LRRC4C: variants seen among roughly 807,000 people sequenced by gnomAD.
The protein encoded by LRRC4C is leucine rich repeat containing 4C, also known as leucine-rich repeat-containing protein 4C.
A neutral mutation model predicts 33.6 loss-of-function variants in LRRC4C; 5 were observed. The ratio of observed to expected loss-of-function variants is 0.15; its 90% CI spans 0.08 to 0.31. LRRC4C has a LOEUF of 0.31. LRRC4C is among the 10% of genes least tolerant of loss of function. LRRC4C has a pLI of 1.00. For synonymous variants in LRRC4C, 329 were observed against 302.0 expected, an observed-to-expected ratio of 1.09 and a Z score of -0.93; for missense variants, 560 against 796.7, an observed-to-expected ratio of 0.70 and a Z score of 3.58.
intron 1 of LRRC4C, among the ~76,000 whole-genome samples, chr11:41,101,781 TGTG>T (rs1326932079): frequency 1.3e-5 from 2 of 152,050 alleles, no homozygotes; most frequent in Non-Finnish European, 2.9e-5. Context: ...GAAAAGAAAA[TGTG>T]GTACATATAC....
At chr11:40,194,653 G>T (rs988307422) in intron 5 of LRRC4C, among the ~76,000 whole-genome samples, 1 of 152,030 alleles carries the variant, frequency 6.6e-6, no homozygotes, top group Admixed American at 6.6e-5. Context: ...ATAGCATTAG[G>T]AGAAATACCT....
intron 2 of LRRC4C, among the ~76,000 whole-genome samples, chr11:40,883,087 G>A (rs1022840044): frequency 3.3e-5 from 5 of 151,962 alleles, no homozygotes; most frequent in African/African-American, 1.2e-4. Flanking sequence ...TATCATCCTG[G>A]CCTCTTTTGG....
chr11:40,673,408 T>C (rs1944231795), intron 2 of LRRC4C, among the ~76,000 whole-genome samples: 1 of 152,156 alleles, frequency 6.6e-6, no homozygotes, highest in Admixed American at 6.5e-5. Flanking sequence ...AATATCGGTA[T>C]CTTATTCTAC....
chr11:40,319,410 G>A (rs2136835570), intron 4 of LRRC4C, among the ~76,000 whole-genome samples: 1 of 152,294 alleles, frequency 6.6e-6, no homozygotes, highest in South Asian at 2.1e-4. Context: ...GCCTGGATGG[G>A]TAAATCTATT....
intron 3 of LRRC4C, among the ~76,000 whole-genome samples, chr11:40,579,237 G>GAGGCACA (rs1958355568): frequency 6.6e-6 from 1 of 151,806 alleles, no homozygotes; most frequent in Non-Finnish European, 1.5e-5. Flanking sequence ...TCAAGAGGCA[G>GAGGCACA]AGGCACAAGA....
chr11:40,182,860 A>G lies in LRRC4C; in HGVS notation c.-95-42007T>C, dbSNP rs190464343. Among the ~76,000 whole-genome samples, 26 of 152,300 alleles carry G rather than the reference A, an allele frequency of 1.7e-4. No individual in the cohort carries two copies. In the East Asian group the frequency reaches 4.4e-3, roughly 26 times the overall value. On this transcript the variant is annotated intron_variant, in intron 5 of 6. Coordinates refer to ENST00000528697, the MANE Select transcript of LRRC4C (RefSeq NM_001258419.2). Reference sequence around the variant, plus strand: ...CTGAACTCTTATCATGCATTATTTTAAGATCATTACACGTGTTAACTAATT... The same window carrying G: ...CTGAACTCTTATCATGCATTATTTTGAGATCATTACACGTGTTAACTAATT...
intron 1 of LRRC4C, among the ~76,000 whole-genome samples, chr11:41,289,522 A>T (rs767820180): frequency 1.3e-5 from 2 of 152,154 alleles, no homozygotes; most frequent in Non-Finnish European, 2.9e-5. Flanking sequence ...TGGAGTCCTT[A>T]TCAGAAAAGG....
intron 1 of LRRC4C, among the ~76,000 whole-genome samples, chr11:41,386,897 G>T (rs1953382290): frequency 6.6e-6 from 1 of 151,680 alleles, no homozygotes; most frequent in South Asian, 2.1e-4. Context: ...TTGTGTAACA[G>T]GAAATGATCA....
At chr11:41,313,067 C>G (rs1180880156) in intron 1 of LRRC4C, among the ~76,000 whole-genome samples, 2 of 152,150 alleles carry the variant, frequency 1.3e-5, no homozygotes, top group African/African-American at 4.8e-5. Context: ...AAGAGAAGGC[C>G]TTTGGGGCTC....
rs1948215335 is a variant in LRRC4C at position 40,366,512 on chromosome 11, GA to G, written c.-269-46792del. Among the ~76,000 whole-genome samples the G allele has an allele frequency of 2.6e-5, 4 of 151,870 alleles. No homozygotes were observed. The South Asian group carries it at 8.3e-4, about 31-fold the overall frequency. ...TGAGATTTCAGAGAAAAACTTAAAAGAATAATATTTACACATATTATGCATA... is the reference window on the plus strand; with the variant it reads ...TGAGATTTCAGAGAAAAACTTAAAAGATAATATTTACACATATTATGCATA... On this transcript the variant is annotated intron_variant, in intron 3 of 6. Transcript: ENST00000528697.
chr11:41,439,538 T>A (rs1227356347), intron 1 of LRRC4C, among the ~76,000 whole-genome samples: 5 of 152,060 alleles, frequency 3.3e-5, no homozygotes, highest in African/African-American at 1.2e-4. Flanking sequence ...AAACATCCAA[T>A]TTTTTTTATT....
Position 40,649,293 on chromosome 11 carries a change from C to T in LRRC4C, c.-406-1015G>A, listed in dbSNP as rs531057221. On this transcript the variant is annotated intron_variant, in intron 2 of 6. Coordinates refer to ENST00000528697, the MANE Select transcript of LRRC4C (RefSeq NM_001258419.2). ...CCACATAAGACAGACACTCCCAGAGCGGCCGTTTATAGACCTCCCCCCAAG... is the reference window on the plus strand; with the variant it reads ...CCACATAAGACAGACACTCCCAGAGTGGCCGTTTATAGACCTCCCCCCAAG... Among the ~76,000 whole-genome samples the T allele has an allele frequency of 5.9e-5, 9 of 152,206 alleles. No homozygotes were observed. The South Asian group carries it at 1.7e-3, about 28-fold the overall frequency.
intron 2 of LRRC4C, among the ~76,000 whole-genome samples, chr11:40,893,412 G>T (rs1025386737): frequency 6.6e-6 from 1 of 151,986 alleles, no homozygotes; most frequent in Non-Finnish European, 1.5e-5. Context: ...AATGATGAAT[G>T]CTTGAGGTGA....
chr11:40,869,359 C>T (rs61886583), intron 2 of LRRC4C, among the ~76,000 whole-genome samples: 5,443 of 152,096 alleles, frequency 0.036, 114 homozygotes, highest in South Asian at 0.061. Context: ...GAGAGGGACC[C>T]CCACCATCAG....
At chr11:40,614,509 T>G (rs1168671656) in intron 3 of LRRC4C, among the ~76,000 whole-genome samples, 1 of 151,828 alleles carries the variant, frequency 6.6e-6, no homozygotes, top group African/African-American at 2.4e-5. Context: ...ATAAAGCTGT[T>G]TTGCTTTCTT....
At chr11:40,680,494 A>C (rs1288609621) in intron 2 of LRRC4C, among the ~76,000 whole-genome samples, 1 of 152,144 alleles carries the variant, frequency 6.6e-6, no homozygotes, top group East Asian at 1.9e-4. Context: ...CTGTTGTTCG[A>C]GGGACCCAGT....
intron 1 of LRRC4C, among the ~76,000 whole-genome samples, chr11:41,235,788 T>A (rs1331782613): frequency 1.3e-5 from 2 of 152,156 alleles, no homozygotes; most frequent in Non-Finnish European, 2.9e-5. Context: ...GGGATTTATA[T>A]GTATACATGT....
intron 1 of LRRC4C, among the ~76,000 whole-genome samples, chr11:41,222,296 A>C (rs945744522): frequency 6.6e-6 from 1 of 152,318 alleles, no homozygotes; most frequent in East Asian, 1.9e-4. Flanking sequence ...GGTGATAGGC[A>C]AGGGTTACTC....
chr11:41,221,514 C>A (rs1404769237), intron 1 of LRRC4C, among the ~76,000 whole-genome samples: 2 of 152,026 alleles, frequency 1.3e-5, no homozygotes, highest in African/African-American at 4.8e-5. Flanking sequence ...GACATAAAGA[C>A]ATAAATACCA....
Sources: allele counts gnomAD v4.1 joint callset (sites outside exome capture counted in the v4.1 genomes callset), GRCh38; gene constraint gnomAD v4.1.1; transcripts MANE v1.5; gene names NCBI Gene and HGNC (gene_info 2026-07-23, HGNC 2026-07-21).